LIMA1: variants seen among roughly 807,000 people sequenced by gnomAD.
The protein encoded by LIMA1 is LIM domain and actin binding 1, also known as LIM domain and actin-binding protein 1.
A neutral mutation model predicts 62.6 loss-of-function variants in LIMA1; 52 were observed. The observed-to-expected ratio is 0.83, with a 90% CI of 0.67 to 1.05. The LOEUF (loss-of-function observed/expected upper bound fraction) is 1.05. Ranked by LOEUF, LIMA1 falls within the 50% of genes least tolerant of loss-of-function variation. LIMA1 has a pLI of 0.00. For missense variants in LIMA1, 780 were observed against 902.2 expected (o/e 0.86, Z 1.74); for synonymous variants, 302 against 317.8 (o/e 0.95, Z 0.53).
chr12:50,185,818 T>C (rs1940618497), intron 9 of LIMA1: 1 of 207,154 alleles, frequency 4.8e-6, no homozygotes, highest in South Asian at 7.6e-5. Context: ...ATCAAGTTAA[T>C]AGATTGCTAG....
At chr12:50,255,518 A>G (rs190291009) in intron 1 of LIMA1, among the ~76,000 whole-genome samples, 30 of 150,106 alleles carry the variant, frequency 2.0e-4, no homozygotes, top group African/African-American at 7.1e-4. Context: ...ACACCACTGT[A>G]CTCAACCTGG....
At chr12:50,262,395 CA>C (rs972026907) in intron 1 of LIMA1, among the ~76,000 whole-genome samples, 1 of 151,956 alleles carries the variant, frequency 6.6e-6, no homozygotes, top group African/African-American at 2.4e-5. Flanking sequence ...GAGAAGGGCT[CA>C]AAAAACCCAC....
intron 1 of LIMA1, among the ~76,000 whole-genome samples, chr12:50,278,384 T>C (rs1161023097): frequency 6.6e-6 from 1 of 152,150 alleles, no homozygotes; most frequent in Non-Finnish European, 1.5e-5. Context: ...ATCGTGCCAC[T>C]GCACTCCAGC....
chr12:50,208,356 C>T (rs545580651), intron 4 of LIMA1, among the ~76,000 whole-genome samples: 1 of 152,202 alleles, frequency 6.6e-6, no homozygotes, highest in Non-Finnish European at 1.5e-5. Context: ...CGTGGTGGCC[C>T]GCACCTGTAA....
At chr12:50,197,682 A>T (rs888515432) in intron 7 of LIMA1, among the ~76,000 whole-genome samples, 3 of 152,234 alleles carry the variant, frequency 2.0e-5, no homozygotes, top group Non-Finnish European at 4.4e-5. Flanking sequence ...GACGAAGGAA[A>T]CATGAATTTA....
intron 3 of LIMA1, among the ~76,000 whole-genome samples, chr12:50,223,899 G>A (rs1055320957): frequency 6.6e-6 from 1 of 152,020 alleles, no homozygotes; most frequent in Admixed American, 6.6e-5. Context: ...ATAGCTGGGC[G>A]TGGTGGCACG....
chr12:50,260,786 T>C (rs1012017131), intron 1 of LIMA1, among the ~76,000 whole-genome samples: 11 of 151,944 alleles, frequency 7.2e-5, no homozygotes, highest in Admixed American at 3.3e-4. Context: ...AAAAATTCTA[T>C]ATAAAATGCC....
chr12:50,195,003 G>A (rs754513754), intron 8 of LIMA1, among the ~76,000 whole-genome samples: 3 of 151,998 alleles, frequency 2.0e-5, no homozygotes, highest in Non-Finnish European at 4.4e-5. Flanking sequence ...AGCCGAGATT[G>A]CACCACTGCA....
rs554369255 is a variant in LIMA1 at position 50,259,756 on chromosome 12, A to G, written c.-23-10982T>C. ...GCTTCAGGTATGTGTAGAAACATGA[A>G]TCTAGACAATAGCACAATTGTAACA... is the stretch of plus-strand genomic sequence containing the variant. On this transcript the variant is annotated intron_variant, in intron 1 of 10. Coordinates refer to ENST00000341247, the MANE Select transcript of LIMA1 (RefSeq NM_016357.5). Among the ~76,000 whole-genome samples the G allele has an allele frequency of 1.1e-4, 17 of 152,324 alleles. No homozygotes were observed. The South Asian group carries it at 3.5e-3, about 32-fold the overall frequency.
intron 7 of LIMA1, among the ~76,000 whole-genome samples, chr12:50,200,201 GATTTTT>G (rs1233833136): frequency 7.0e-6 from 1 of 142,562 alleles, no homozygotes; most frequent in African/African-American, 2.6e-5. Flanking sequence ...GGCCCGAATA[GATTTTT>G]ATTTTATTTA....
rs577308413 is a variant in LIMA1, at chr12:50,241,933, A to ATTTTTTTTTTTTTTTTTTTTTTT, written c.119+6677_119+6699dup. Among the ~76,000 whole-genome samples, 2 of 36,406 alleles carry ATTTTTTTTTTTTTTTTTTTTTTT rather than the reference A, an allele frequency of 5.5e-5. 1 individual carries two copies. Among genetic ancestry groups the ATTTTTTTTTTTTTTTTTTTTTTT allele is most frequent in the African/African-American group, 2.0e-4 (2 of 10,198 alleles). The allele number at this position is 36,406 out of a possible 152,430, so 23.9% of individuals were successfully genotyped here. ...AATTTTGTTCCTCTTTCCTTCCCAG[A>ATTTTTTTTTTTTTTTTTTTTTTT]TTTTTTTTTTTTTTTTTTTTTTTTT... On this transcript the variant is annotated intron_variant, in intron 2 of 10. Transcript: ENST00000341247.
intron 2 of LIMA1, among the ~76,000 whole-genome samples, chr12:50,238,646 G>T (rs1565853964): frequency 6.6e-6 from 1 of 151,726 alleles, no homozygotes; most frequent in African/African-American, 2.4e-5. Context: ...ATCACTTGAG[G>T]TCAGTCAAGA....
intron 1 of LIMA1, among the ~76,000 whole-genome samples, chr12:50,273,918 T>G (rs954528059): frequency 2.0e-5 from 3 of 152,188 alleles, no homozygotes; most frequent in African/African-American, 7.2e-5. Flanking sequence ...TAGGAGTTGA[T>G]AGACTAGTAT....
intron 1 of LIMA1, among the ~76,000 whole-genome samples, chr12:50,250,290 C>CAA (rs11327744): frequency 9.0e-4 from 58 of 64,562 alleles, no homozygotes; most frequent in African/African-American, 2.5e-3. Context: ...AACTCCGTTT[C>CAA]AAAAAAAAAA....
At position 50,200,785 on chromosome 12, in the gene LIMA1, C is replaced by G; in HGVS notation, c.964G>C (p.Gly322Arg). 6.2e-7 allele frequency: 1 copy of G among 1,614,100 alleles called. No homozygotes were observed. The highest frequency in any genetic ancestry group is 1.1e-5 in the South Asian group (1 of 91,082). ...CAGACTTTTCAACCTACCTTTTCCCCTTCCTGATGGGTGATGCAGACCTCA... is the reference window on the plus strand; with the variant it reads ...CAGACTTTTCAACCTACCTTTTCCCGTTCCTGATGGGTGATGCAGACCTCA... ...GPEVCITHQE[G>R]EKISANENSL... Residue 322 changes from glycine to arginine, a missense_variant, in exon 7 of 11, where the codon GGG becomes CGG. Coordinates refer to ENST00000341247, the MANE Select transcript of LIMA1 (RefSeq NM_016357.5).
chr12:50,205,305 T>C (rs1941131552), intron 5 of LIMA1, among the ~76,000 whole-genome samples: 3 of 151,872 alleles, frequency 2.0e-5, no homozygotes, highest in South Asian at 2.1e-4. Flanking sequence ...ACTCCTGGAT[T>C]TAAGTGGTCC....
intron 7 of LIMA1, among the ~76,000 whole-genome samples, chr12:50,197,131 T>C (rs897946057): frequency 5.4e-5 from 8 of 149,458 alleles, no homozygotes; most frequent in Admixed American, 1.4e-4. Flanking sequence ...AATCCAATGG[T>C]GCGATCTCAG....
At chr12:50,193,235 A>C (rs1940819906) in intron 8 of LIMA1, among the ~76,000 whole-genome samples, 1 of 151,956 alleles carries the variant, frequency 6.6e-6, no homozygotes, top group Non-Finnish European at 1.5e-5. Flanking sequence ...ACCTAGTCAA[A>C]AACATTTCTC....
At chr12:50,205,507 A>G (rs1191782406) in intron 5 of LIMA1, among the ~76,000 whole-genome samples, 2 of 152,116 alleles carry the variant, frequency 1.3e-5, no homozygotes, top group Non-Finnish European at 2.9e-5. Context: ...AAGTGCCTGT[A>G]TATGTCCCCT....
Sources: allele counts gnomAD v4.1 joint callset (sites outside exome capture counted in the v4.1 genomes callset), GRCh38; gene constraint gnomAD v4.1.1; transcripts MANE v1.5; gene names NCBI Gene and HGNC (gene_info 2026-07-23, HGNC 2026-07-21).